Variants in AP2A2 observed in about 807,000 individuals in gnomAD.
The protein encoded by AP2A2 is adaptor related protein complex 2 subunit alpha 2.
Under a neutral mutation model 104.2 loss-of-function variants are expected in AP2A2, and 32 were observed. That is an observed-to-expected ratio of 0.31 (90% confidence interval 0.23 to 0.41). The LOEUF is 0.41. AP2A2 is among the 10% of genes least tolerant of loss of function. AP2A2 has a pLI of 1.00. For synonymous variants in AP2A2, 539 were observed against 533.3 expected (o/e 1.01, Z -0.15); for missense variants, 912 against 1,261.0 (o/e 0.72, Z 4.19).
At chr11:984,805 C>T (rs1855395510) in intron 7 of AP2A2, 52 bp downstream of exon 7, 1 of 1,397,770 alleles carries the variant, frequency 7.2e-7, no homozygotes, top group Non-Finnish European at 1.0e-6. Flanking sequence ...GTCTGATTCC[C>T]TGTCTCAGAT....
At chr11:959,547 A>G (rs1487024620) in intron 2 of AP2A2, 42 bp downstream of exon 2, 1 of 1,340,872 alleles carries the variant, frequency 7.5e-7, no homozygotes, top group Non-Finnish European at 1.0e-6. Context: ...CCTGTTGTAA[A>G]TTTTCTGTAG....
At chr11:926,397 C>T (rs1218541431) in intron 1 of AP2A2, among the ~76,000 whole-genome samples, 1 of 150,156 alleles carries the variant, frequency 6.7e-6, no homozygotes, top group Non-Finnish European at 1.5e-5. Flanking sequence ...GGTGGGGTGT[C>T]CAGGGTCTAG....
At chr11:997,753 A>G (rs1855899905) in intron 14 of AP2A2, among the ~76,000 whole-genome samples, 1 of 151,978 alleles carries the variant, frequency 6.6e-6, no homozygotes, top group African/African-American at 2.4e-5. Flanking sequence ...AAAAATACAA[A>G]AATTAGCCAG....
chr11:953,862 T>C (rs1467320138), intron 1 of AP2A2, among the ~76,000 whole-genome samples: 1 of 146,310 alleles, frequency 6.8e-6, no homozygotes, highest in East Asian at 2.0e-4. Flanking sequence ...TGAGATGGAG[T>C]CTTGCTCTGT....
chr11:978,250 C>T (rs1316928126), intron 5 of AP2A2, among the ~76,000 whole-genome samples: 1 of 152,172 alleles, frequency 6.6e-6, no homozygotes, highest in Non-Finnish European at 1.5e-5. Flanking sequence ...CCGGGGCTGC[C>T]TGCTTTCCCC....
At chr11:954,022 A>G (rs1294934997) in intron 1 of AP2A2, among the ~76,000 whole-genome samples, 1 of 151,810 alleles carries the variant, frequency 6.6e-6, no homozygotes, top group Non-Finnish European at 1.5e-5. Flanking sequence ...TTTAGTAGAG[A>G]CGAGGTTTCA....
intron 1 of AP2A2, among the ~76,000 whole-genome samples, chr11:930,292 A>G (rs1167157568): frequency 1.3e-5 from 2 of 152,076 alleles, no homozygotes; most frequent in Admixed American, 1.3e-4. Context: ...CCAGGATTTG[A>G]AAAGGTGCCT....
chr11:1,005,614 C>G (rs1308903238), intron 16 of AP2A2, among the ~76,000 whole-genome samples: 3 of 152,240 alleles, frequency 2.0e-5, no homozygotes, highest in African/African-American at 7.2e-5. Context: ...CAGCGCCTGC[C>G]TTGAGCCTCC....
At chr11:1,000,978 T>C (rs1393215635) in intron 15 of AP2A2, among the ~76,000 whole-genome samples, 1 of 152,232 alleles carries the variant, frequency 6.6e-6, no homozygotes, top group African/African-American at 2.4e-5. Context: ...CTAGTTGGGC[T>C]GCTTTTCATT....
At position 1,000,578 on chromosome 11, in the gene AP2A2, C is replaced by A; in HGVS notation, c.2103C>A (p.Gly701=). The A allele has an allele frequency of 6.5e-7, 1 of 1,549,108 alleles. No individual in the cohort carries two copies. The highest frequency in any genetic ancestry group is 1.4e-5 in the African/African-American group (1 of 73,758). ...SASVVAPLAP[G]SEDNFARFVC... ...CTGTGGTCGCGCCTCTCGCTCCTGG[C>A]TCCGAAGACAACTTTGCCAGGTAGT... The change falls in exon 15 of 22, where the codon GGC becomes GGA. Residue 701 remains glycine, a synonymous_variant. Transcript: ENST00000448903.
intron 15 of AP2A2, among the ~76,000 whole-genome samples, chr11:1,001,892 C>A (rs947584850): frequency 1.6e-4 from 24 of 152,162 alleles, no homozygotes; most frequent in African/African-American, 5.8e-4. Context: ...CTTGTGCATG[C>A]GGCCGTCTTG....
Position 1,007,436 on chromosome 11 carries a change from C to T in AP2A2, c.2297-576C>T, listed in dbSNP as rs145942157. ...TCTCTCCCTCGGGGTCCACTTGGCT[C>T]GAGGCGGCAGCGAGCCCAGCAGCTG... On this transcript the variant is annotated intron_variant, in intron 17 of 21. Transcript: ENST00000448903. 4.8e-3 allele frequency: 754 copies of T among 156,330 alleles called. 3 individuals carry two copies. The highest frequency in any genetic ancestry group is 0.016 in the African/African-American group (677 of 41,558). The allele number at this position is 156,330 out of a possible 1,614,324, so 9.7% of individuals were successfully genotyped here.
chr11:935,607 T>TCC (rs1369868733), intron 1 of AP2A2, among the ~76,000 whole-genome samples: 3 of 30,928 alleles, frequency 9.7e-5, no homozygotes, highest in African/African-American at 1.9e-4. Context: ...CGGCCAGTTT[T>TCC]TTTTTTTTTT....
At chr11:937,721 T>C (rs982442523) in intron 1 of AP2A2, among the ~76,000 whole-genome samples, 1 of 152,210 alleles carries the variant, frequency 6.6e-6, no homozygotes, top group Non-Finnish European at 1.5e-5. Context: ...TGTATGAAAG[T>C]GGAAAACAAG....
At chr11:1,001,924 G>A (rs1051455712) in intron 15 of AP2A2, among the ~76,000 whole-genome samples, 2 of 152,246 alleles carry the variant, frequency 1.3e-5, no homozygotes, top group Admixed American at 6.5e-5. Context: ...GCTACAGAGG[G>A]TCATCAGGTG....
At chr11:956,189 CT>C (rs906121336) in intron 1 of AP2A2, among the ~76,000 whole-genome samples, 1 of 151,288 alleles carries the variant, frequency 6.6e-6, no homozygotes, top group African/African-American at 2.4e-5. Context: ...TTTCTTTTTT[CT>C]TTTTTTTTCT....
At chr11:982,775 C>A (rs1481344194) in intron 6 of AP2A2, among the ~76,000 whole-genome samples, 1 of 151,380 alleles carries the variant, frequency 6.6e-6, no homozygotes, top group Admixed American at 6.6e-5. Flanking sequence ...CTCAGCCTCC[C>A]GAGTAGCTGG....
intron 17 of AP2A2, 29 bp downstream of exon 17, chr11:1,006,646 G>A (rs745894862): frequency 1.1e-5 from 17 of 1,547,356 alleles, no homozygotes; most frequent in East Asian, 2.2e-5. Flanking sequence ...CCCCATGCCC[G>A]CAGACAGCAT....
At position 951,638 on chromosome 11, in the gene AP2A2, T is replaced by C. The variant is rs891399025; in HGVS notation, c.68-7799T>C. Among the ~76,000 whole-genome samples, 22 of 152,184 alleles carry C rather than the reference T, an allele frequency of 1.4e-4. 1 individual carries two copies. The highest frequency in any genetic ancestry group is 1.5e-5 in the Non-Finnish European group (1 of 68,038). On this transcript the variant is annotated intron_variant, in intron 1 of 21. Transcript: ENST00000448903. ...CACACTTCTCATCACAGCTCTTTCA[T>C]TGATGGCACACCCATTTGAAGAAGA...
Sources: gnomAD v4.1 joint callset for allele counts (sites outside exome capture counted in the v4.1 genomes callset) on GRCh38, gnomAD v4.1.1 for gene constraint, MANE v1.5 for transcripts, NCBI Gene and HGNC (gene_info 2026-07-23, HGNC 2026-07-21) for gene names.